Variants in PPP1R9A observed in about 807,000 individuals in gnomAD.
The protein encoded by PPP1R9A is neurabin-1.
In PPP1R9A, 59 loss-of-function variants were observed where a neutral mutation model predicts 141.9. The ratio of observed to expected loss-of-function variants is 0.42; its 90% CI spans 0.34 to 0.52. The LOEUF (loss-of-function observed/expected upper bound fraction) is 0.52, where lower values mean the gene tolerates loss of function less well. PPP1R9A is among the 20% of genes least tolerant of loss of function. The pLI is 0.10. For synonymous variants in PPP1R9A, 500 were observed against 569.7 expected (o/e 0.88, Z 1.74); for missense variants, 1,444 against 1,611.9 (o/e 0.90, Z 1.78).
intron 2 of PPP1R9A, among the ~76,000 whole-genome samples, chr7:94,937,758 C>T (rs984622020): frequency 6.6e-6 from 1 of 152,086 alleles, no homozygotes; most frequent in Admixed American, 6.6e-5. Context: ...TTGAAAGCAT[C>T]TTCTCTGTGG....
intron 12 of PPP1R9A, among the ~76,000 whole-genome samples, chr7:95,259,228 A>G (rs900255119): frequency 6.6e-5 from 10 of 152,082 alleles, no homozygotes; most frequent in Admixed American, 2.0e-4. Context: ...AATAGAGAAC[A>G]GAGAGGGCTT....
intron 2 of PPP1R9A, among the ~76,000 whole-genome samples, chr7:94,913,816 G>C (rs1205957878): frequency 6.6e-6 from 1 of 152,042 alleles, no homozygotes; most frequent in Non-Finnish European, 1.5e-5. Flanking sequence ...GTTAGCTGAA[G>C]AAGACACAAA....
At chr7:95,116,708 A>T (rs990749280) in intron 3 of PPP1R9A, among the ~76,000 whole-genome samples, 1 of 152,154 alleles carries the variant, frequency 6.6e-6, no homozygotes, top group Admixed American at 6.5e-5. Context: ...AAGTCTGGAG[A>T]AATACAGACT....
At chr7:95,120,613 A>G in intron 3 of PPP1R9A, 99 bp from the exon 4 acceptor site, 1 of 1,354,800 alleles carries the variant, frequency 7.4e-7, no homozygotes, top group South Asian at 1.5e-5. Context: ...TCCATAAGGA[A>G]AAATAAAATT....
chr7:95,282,081 G>T (rs1413958273), intron 16 of PPP1R9A, among the ~76,000 whole-genome samples: 3 of 150,704 alleles, frequency 2.0e-5, no homozygotes, highest in African/African-American at 7.4e-5. Flanking sequence ...AAATTATGAG[G>T]CTGAGTGTTG....
At chr7:95,135,422 T>A (rs190773960) in intron 4 of PPP1R9A, among the ~76,000 whole-genome samples, 1 of 152,232 alleles carries the variant, frequency 6.6e-6, no homozygotes, top group African/African-American at 2.4e-5. Context: ...ATTAGATTAC[T>A]TAGTCCCTTC....
At chr7:95,226,170 T>TATATTTCTGTTCAAATAATATATTAAGA in intron 8 of PPP1R9A, 54 bp downstream of exon 8, 1 of 1,499,296 alleles carries the variant, frequency 6.7e-7, no homozygotes, top group Non-Finnish European at 9.1e-7. Flanking sequence ...TCATTAAGTA[T>TATATTTCTGTTCAAATAATATATTAAGA]ATATTTCTGT....
At chr7:95,207,736 T>C (rs1473853777) in intron 7 of PPP1R9A, among the ~76,000 whole-genome samples, 1 of 152,168 alleles carries the variant, frequency 6.6e-6, no homozygotes, top group Non-Finnish European at 1.5e-5. Flanking sequence ...AAAAAGTACC[T>C]ATAGATAAGT....
At chr7:95,215,829 T>A (rs1793266892) in intron 7 of PPP1R9A, among the ~76,000 whole-genome samples, 1 of 152,236 alleles carries the variant, frequency 6.6e-6, no homozygotes, top group South Asian at 2.1e-4. Flanking sequence ...GTTTGTTTTT[T>A]TCTTGTAAAT....
chr7:95,225,996 GGTAGGACCT>G lies in PPP1R9A; in HGVS notation c.1995_2003del (p.Gly666_Val668del). 1 of 1,613,092 alleles carries G rather than the reference GGTAGGACCT, an allele frequency of 6.2e-7. No homozygotes were observed. Among genetic ancestry groups the G allele is most frequent in the Non-Finnish European group, 8.5e-7 (1 of 1,179,344 alleles). On this transcript the variant is annotated inframe_deletion, in exon 8 of 20. Transcript: ENST00000433360. ...ATGCCACAGATGAAGAAGAAGATGA[GGTAGGACCT>G]GTCCTTCCTGGCAGCGACATGGCCA...
intron 2 of PPP1R9A, among the ~76,000 whole-genome samples, chr7:95,054,415 A>AT (rs1811235264): frequency 6.6e-6 from 1 of 151,942 alleles, no homozygotes; most frequent in African/African-American, 2.4e-5. Flanking sequence ...GTGAGCCACC[A>AT]TGCCTGGCTT....
chr7:95,286,219 A>G lies in PPP1R9A; in HGVS notation c.3623A>G (p.Asn1208Ser), dbSNP rs533713937. ...WIQETNNFTF[N>S]DDFSPSSTSS... ...TTATTTTTACAGAATTTTACCTTCA[A>G]TGATGACTTCAGTCCCAGCAGTACC... The change falls in exon 18 of 20, where the codon AAT (asparagine) becomes AGT (serine). Residue 1208 changes from asparagine (N) to serine (S), a missense_variant. Transcript: ENST00000433360. The G allele has an allele frequency of 3.1e-5, 50 of 1,613,344 alleles. No individual in the cohort carries two copies. The highest frequency in any genetic ancestry group is 8.9e-5 in the East Asian group (4 of 44,858).
chr7:94,915,762 GA>G (rs1464877119), intron 2 of PPP1R9A, among the ~76,000 whole-genome samples: 2 of 152,140 alleles, frequency 1.3e-5, no homozygotes, highest in Non-Finnish European at 2.9e-5. Context: ...ATGTGGTTAT[GA>G]GGACCAGAGC....
chr7:94,987,747 G>A (rs543365528), intron 2 of PPP1R9A, among the ~76,000 whole-genome samples: 196 of 152,184 alleles, frequency 1.3e-3, no homozygotes, highest in Non-Finnish European at 2.4e-3. Context: ...ACTTTAAAAA[G>A]ATGTTCTCTT....
intron 2 of PPP1R9A, among the ~76,000 whole-genome samples, chr7:95,054,114 G>GTTT (rs368824046): frequency 6.0e-5 from 8 of 132,704 alleles, no homozygotes; most frequent in South Asian, 2.4e-4. Context: ...TCCCCACTGT[G>GTTT]TTTTTTTTTT....
intron 3 of PPP1R9A, among the ~76,000 whole-genome samples, chr7:95,118,092 T>C (rs567168392): frequency 6.6e-6 from 1 of 152,280 alleles, no homozygotes; most frequent in Non-Finnish European, 1.5e-5. Flanking sequence ...GCTAACCTTA[T>C]ACACACAAGA....
chr7:95,281,184 T>G (rs1804160284), intron 16 of PPP1R9A, among the ~76,000 whole-genome samples: 1 of 152,178 alleles, frequency 6.6e-6, no homozygotes, highest in Non-Finnish European at 1.5e-5. Flanking sequence ...CATGGGGTTT[T>G]AAAATCACAG....
intron 5 of PPP1R9A, among the ~76,000 whole-genome samples, chr7:95,183,489 TGCCCAGGCTGGAGTGCAGTGGCA>T (rs1834172079): frequency 6.8e-6 from 1 of 147,882 alleles, no homozygotes; most frequent in Non-Finnish European, 1.5e-5. Context: ...CTTGCTCTGT[TGCCCAGGCTGGAGTGCAGTGGCA>T]CAATCTTGGC....
intron 2 of PPP1R9A, among the ~76,000 whole-genome samples, chr7:95,045,767 T>C (rs1033294068): frequency 6.6e-6 from 1 of 151,856 alleles, no homozygotes; most frequent in Admixed American, 6.6e-5. Flanking sequence ...TGCTCATGCC[T>C]AACTACCTAC....
Sources: allele counts gnomAD v4.1 joint callset (sites outside exome capture counted in the v4.1 genomes callset), GRCh38; gene constraint gnomAD v4.1.1; transcripts MANE v1.5; gene names NCBI Gene and HGNC (gene_info 2026-07-23, HGNC 2026-07-21).